The following RIPOR3 variants were observed in gnomAD, a reference collection of about 807,000 sequenced individuals.
The protein encoded by RIPOR3 is family with sequence similarity 65 member C.
In RIPOR3, 95 loss-of-function variants were observed where a neutral mutation model predicts 114.3. The observed-to-expected ratio is 0.83, with a 90% CI of 0.70 to 0.99. The LOEUF (loss-of-function observed/expected upper bound fraction) is 0.99. RIPOR3 is among the 50% of genes least tolerant of loss of function. RIPOR3 has a pLI of 0.00. For synonymous variants in RIPOR3, 575 were observed against 543.8 expected (o/e 1.06, Z -0.80); for missense variants, 1,252 against 1,266.9 (o/e 0.99, Z 0.18).
In RIPOR3 at chr20:50,613,324, G is replaced by A. The variant is rs185762683; in HGVS notation, c.349-2120C>T. 8.0e-3 allele frequency among the ~76,000 whole-genome samples: 1,212 copies of A among 151,870 alleles called. 15 individuals carry two copies. Among genetic ancestry groups the A allele is most frequent in the Middle Eastern group, 0.027 (8 of 294 alleles). ...AAAAATTATCCTGGCATGATTGTGC[G>A]CGCCTGTAATCCTAGCTACTCAGGA... On this transcript the variant is annotated intron_variant, in intron 4 of 21. Coordinates refer to ENST00000327979, the MANE Select transcript of RIPOR3 (RefSeq NM_001290268.2).
intron 1 of RIPOR3, among the ~76,000 whole-genome samples, chr20:50,642,445 T>C (rs1180364044): frequency 6.6e-6 from 1 of 151,862 alleles, no homozygotes; most frequent in African/African-American, 2.4e-5. Context: ...CGTCACAGGT[T>C]TTCCTTCTGT....
chr20:50,615,863 C>T (rs2084153880), intron 4 of RIPOR3, 139 bp downstream of exon 4: 4 of 750,164 alleles, frequency 5.3e-6, no homozygotes, highest in African/African-American at 5.3e-5. Flanking sequence ...TAACTCAGTG[C>T]AACGTGAAGA....
At chr20:50,679,123 A>T (rs1387746332) in intron 1 of RIPOR3, among the ~76,000 whole-genome samples, 22 of 79,168 alleles carry the variant, frequency 2.8e-4, no homozygotes, top group East Asian at 2.4e-3. Context: ...AAAAAAAAAA[A>T]AAAAAAAAAA....
chr20:50,602,377 G>T lies in RIPOR3; in HGVS notation c.1354C>A (p.Pro452Thr), dbSNP rs2083531669. The change falls in exon 13 of 22, where the codon CCC (proline) becomes ACC (threonine). Residue 452 changes from proline to threonine, a missense_variant. Coordinates refer to ENST00000327979, the MANE Select transcript of RIPOR3 (RefSeq NM_001290268.2). This position sits in a 1 kb window ranked among gnomAD's most constrained non-coding sequence, Gnocchi z 4.3. Reference sequence around the variant, plus strand: ...GCCATCTCTGGCAGGAGACCTGGGGGCAGGGGGTCCTCCCGAGCCTCCTCT... The same window carrying T: ...GCCATCTCTGGCAGGAGACCTGGGGTCAGGGGGTCCTCCCGAGCCTCCTCT... ...IEEEAREDPL[P>T]PGLLPEMAHL... 6.2e-7 allele frequency: 1 copy of T among 1,613,216 alleles called. No individual in the cohort carries two copies. Among genetic ancestry groups the T allele is most frequent in the South Asian group, 1.1e-5 (1 of 91,034 alleles).
chr20:50,601,670 G>A (rs2083495975), intron 13 of RIPOR3, among the ~76,000 whole-genome samples: 1 of 152,128 alleles, frequency 6.6e-6, no homozygotes, highest in African/African-American at 2.4e-5. Context: ...GCCCTGTGGA[G>A]AAGGTTCAGT....
At chr20:50,611,498 C>A (rs1323149663) in intron 4 of RIPOR3, among the ~76,000 whole-genome samples, 1 of 152,178 alleles carries the variant, frequency 6.6e-6, no homozygotes, top group Non-Finnish European at 1.5e-5. Flanking sequence ...CCGTTTCCTC[C>A]TATGTAAAGC....
In RIPOR3 at chr20:50,595,523, G is replaced by C. The variant is rs1166770580; in HGVS notation, c.1915-19C>G. Reference sequence around the variant, plus strand: ...CCAGTTTCTGGGAAGCAGCCCAGATGCTCCAGATTAGCATGGAACATGCCC... The same window carrying C: ...CCAGTTTCTGGGAAGCAGCCCAGATCCTCCAGATTAGCATGGAACATGCCC... On this transcript the variant is annotated intron_variant, in intron 15 of 21. Transcript: ENST00000327979. The C allele has an allele frequency of 1.2e-6, 2 of 1,612,954 alleles. No homozygotes were observed. Among genetic ancestry groups the C allele is most frequent in the Non-Finnish European group, 1.7e-6 (2 of 1,179,526 alleles).
intron 14 of RIPOR3, 39 bp from the exon 15 acceptor site, chr20:50,596,302 C>T: frequency 6.2e-7 from 1 of 1,612,454 alleles, no homozygotes; most frequent in Non-Finnish European, 8.5e-7. Flanking sequence ...TTCCAGTTAG[C>T]AGTTCAGCTC....
chr20:50,623,122 G>A (rs1013284509), intron 2 of RIPOR3, among the ~76,000 whole-genome samples: 2 of 151,860 alleles, frequency 1.3e-5, no homozygotes, highest in South Asian at 2.1e-4. Flanking sequence ...TTAGCCAGGC[G>A]TGGTGGTGGA....
intron 1 of RIPOR3, among the ~76,000 whole-genome samples, chr20:50,681,164 G>A (rs1285665193): frequency 1.4e-5 from 2 of 141,784 alleles, no homozygotes; most frequent in African/African-American, 2.6e-5. Context: ...GGTGGAGGCT[G>A]CAGTGAGCCA....
intron 1 of RIPOR3, among the ~76,000 whole-genome samples, chr20:50,657,241 G>T (rs1254074151): frequency 6.6e-6 from 1 of 152,132 alleles, no homozygotes; most frequent in Non-Finnish European, 1.5e-5. Context: ...CAAAGAAAGA[G>T]AGAGGCTGGG....
intron 7 of RIPOR3, 30 bp downstream of exon 7, chr20:50,609,543 T>C: frequency 7.0e-7 from 1 of 1,428,262 alleles, no homozygotes; most frequent in Non-Finnish European, 9.1e-7. Flanking sequence ...TTGCTGCCCC[T>C]GCTGCCCAGC....
intron 15 of RIPOR3, 138 bp downstream of exon 15, chr20:50,596,002 A>C: frequency 8.0e-7 from 1 of 1,251,778 alleles, no homozygotes; most frequent in Non-Finnish European, 1.1e-6. Flanking sequence ...CCACTGGGGA[A>C]TAGCTTCAGT....
intron 1 of RIPOR3, among the ~76,000 whole-genome samples, chr20:50,641,587 G>A (rs1023411236): frequency 3.9e-5 from 6 of 152,120 alleles, no homozygotes; most frequent in African/African-American, 9.7e-5. Context: ...CAAGATGCTC[G>A]GTGCCCAGGG....
chr20:50,608,272 G>T, intron 11 of RIPOR3, 117 bp downstream of exon 11: 2 of 1,453,018 alleles, frequency 1.4e-6, no homozygotes, highest in Non-Finnish European at 1.9e-6. Flanking sequence ...ATGAGGACCC[G>T]TGAGGGCAGG....
intron 2 of RIPOR3, among the ~76,000 whole-genome samples, chr20:50,626,251 G>A (rs1044315094): frequency 1.3e-5 from 2 of 152,372 alleles, no homozygotes; most frequent in African/African-American, 4.8e-5. Flanking sequence ...CTTCTTCCTT[G>A]CCCTCACACA....
intron 13 of RIPOR3, among the ~76,000 whole-genome samples, chr20:50,598,015 G>T (rs979780500): frequency 6.6e-6 from 1 of 152,226 alleles, no homozygotes; most frequent in Non-Finnish European, 1.5e-5. Context: ...GAGTGAGTGA[G>T]CTGCCCCAGC....
At chr20:50,604,484 G>C (rs946195393) in intron 12 of RIPOR3, among the ~76,000 whole-genome samples, 161 bp downstream of exon 12, 1 of 152,256 alleles carries the variant, frequency 6.6e-6, no homozygotes, top group Non-Finnish European at 1.5e-5. Flanking sequence ...GCTGGCAGCA[G>C]AGGAAGAAAG....
At chr20:50,623,543 C>A (rs1210758007) in intron 2 of RIPOR3, among the ~76,000 whole-genome samples, 1 of 152,082 alleles carries the variant, frequency 6.6e-6, no homozygotes, top group Non-Finnish European at 1.5e-5. Context: ...GGACCTGGGG[C>A]CTCTCTAGTT....
Sources: allele counts gnomAD v4.1 joint callset (sites outside exome capture counted in the v4.1 genomes callset), GRCh38; gene constraint gnomAD v4.1.1; non-coding constraint Gnocchi (gnomAD v3.1); transcripts MANE v1.5; gene names NCBI Gene and HGNC (gene_info 2026-07-23, HGNC 2026-07-21).